SGCZ: variants seen among roughly 807,000 people sequenced by gnomAD.
SGCZ encodes the protein sarcoglycan zeta, also known as zeta-sarcoglycan.
SGCZ carries 40 observed loss-of-function variants against 41.3 expected under a neutral mutation model. The observed-to-expected ratio is 0.97, with a 90% CI of 0.75 to 1.26. SGCZ has a LOEUF of 1.26. SGCZ is among the 50% of genes most tolerant of loss of function. The pLI is 0.00. For synonymous variants in SGCZ, 206 were observed against 137.5 expected (o/e 1.50, Z -3.49); for missense variants, 552 against 369.8 (o/e 1.49, Z -4.04).
intron 1 of SGCZ, among the ~76,000 whole-genome samples, chr8:14,703,549 C>A (rs1461738856): frequency 6.6e-6 from 1 of 151,982 alleles, no homozygotes; most frequent in African/African-American, 2.4e-5. Context: ...TTCATGCCAG[C>A]TACACAAGGG....
chr8:14,129,345 C>CAAAAAAAAAA (rs534660638), intron 5 of SGCZ, among the ~76,000 whole-genome samples: 1 of 44,114 alleles, frequency 2.3e-5, no homozygotes, highest in Non-Finnish European at 4.9e-5. Context: ...GACTCCGTCT[C>CAAAAAAAAAA]AAAAAAAAAA....
intron 3 of SGCZ, among the ~76,000 whole-genome samples, chr8:14,250,093 C>G (rs749014107): frequency 6.6e-6 from 1 of 152,084 alleles, no homozygotes; most frequent in Non-Finnish European, 1.5e-5. Context: ...AACGAGCTTC[C>G]AGGTCATGCC....
rs570668352 is a variant in SGCZ at position 14,207,746 on chromosome 8, T to G, written c.424+29846A>C. On this transcript the variant is annotated intron_variant, in intron 4 of 7. Coordinates refer to ENST00000382080, the MANE Select transcript of SGCZ (RefSeq NM_139167.4). ...ACACCTCAAGAAGGAATATTTACAT[T>G]TCATTCTACCCTTCTACTACAACTA... Among the ~76,000 whole-genome samples, 8 of 152,304 alleles carry G rather than the reference T, an allele frequency of 5.3e-5. No individual in the cohort carries two copies. The South Asian group carries it at 1.7e-3, about 32-fold the overall frequency.
chr8:14,690,029 A>G (rs1808747391), intron 1 of SGCZ, among the ~76,000 whole-genome samples: 1 of 152,184 alleles, frequency 6.6e-6, no homozygotes, highest in South Asian at 2.1e-4. Flanking sequence ...TTACTTTCAA[A>G]GGAAGATTTT....
intron 1 of SGCZ, among the ~76,000 whole-genome samples, chr8:14,988,599 T>C (rs1263660630): frequency 1.3e-5 from 2 of 152,118 alleles, no homozygotes; most frequent in African/African-American, 4.8e-5. Flanking sequence ...GATGAAGCTA[T>C]GCCTTTTTCT....
In SGCZ at chr8:14,709,732, T is replaced by C. The variant is rs555718671; in HGVS notation, c.40-154806A>G. 5.3e-5 allele frequency among the ~76,000 whole-genome samples: 8 copies of C among 152,120 alleles called. No homozygotes were observed. The East Asian group carries it at 1.4e-3, about 26-fold the overall frequency. On this transcript the variant is annotated intron_variant, in intron 1 of 7. Coordinates refer to ENST00000382080, the MANE Select transcript of SGCZ (RefSeq NM_139167.4). The stretch of plus-strand genomic sequence containing the variant: ...AAACTAAATCTTCGTGAAGTCGAAA[T>C]GGCAATGCTAGAACCATCCATTCTG...
intron 3 of SGCZ, among the ~76,000 whole-genome samples, chr8:14,278,706 G>T (rs1800317533): frequency 6.6e-6 from 1 of 152,032 alleles, no homozygotes; most frequent in Admixed American, 6.6e-5. Context: ...GTATCTAACT[G>T]AATATGCTTC....
chr8:14,993,477 T>C (rs1310103127), intron 1 of SGCZ, among the ~76,000 whole-genome samples: 1 of 152,050 alleles, frequency 6.6e-6, no homozygotes, highest in Admixed American at 6.6e-5. Flanking sequence ...AATAAATAAA[T>C]ATATCATTTC....
At chr8:14,322,811 G>T (rs1801970732) in intron 3 of SGCZ, among the ~76,000 whole-genome samples, 1 of 152,010 alleles carries the variant, frequency 6.6e-6, no homozygotes, top group African/African-American at 2.4e-5. Flanking sequence ...ATTTAATAGT[G>T]CCAAACACAA....
intron 3 of SGCZ, among the ~76,000 whole-genome samples, chr8:14,249,202 T>C (rs1183344990): frequency 6.6e-6 from 1 of 152,180 alleles, no homozygotes; most frequent in Non-Finnish European, 1.5e-5. Context: ...GAATTCACTC[T>C]CTCTGCCTGA....
chr8:14,296,208 C>T (rs916260997), intron 3 of SGCZ, among the ~76,000 whole-genome samples: 1 of 152,146 alleles, frequency 6.6e-6, no homozygotes, highest in African/African-American at 2.4e-5. Flanking sequence ...AAAGCCAACA[C>T]TCTTGAAGCA....
chr8:14,938,766 C>T (rs1055440134), intron 1 of SGCZ, among the ~76,000 whole-genome samples: 10 of 152,002 alleles, frequency 6.6e-5, no homozygotes, highest in African/African-American at 2.2e-4. Flanking sequence ...AACCAAATAC[C>T]GTGTGTTCCC....
At chr8:14,555,429 C>T (rs2117193106) in intron 1 of SGCZ, among the ~76,000 whole-genome samples, 1 of 152,060 alleles carries the variant, frequency 6.6e-6, no homozygotes, top group African/African-American at 2.4e-5. Flanking sequence ...GTGGGTGGCA[C>T]CTCCCCACTC....
At chr8:15,083,945 A>C (rs1212787044) in intron 1 of SGCZ, among the ~76,000 whole-genome samples, 1 of 152,072 alleles carries the variant, frequency 6.6e-6, no homozygotes, top group Non-Finnish European at 1.5e-5. Context: ...TTGACTTTTA[A>C]GATTGCTGCG....
chr8:14,672,077 A>G lies in SGCZ; in HGVS notation c.40-117151T>C, dbSNP rs575847913. 2.1e-3 allele frequency among the ~76,000 whole-genome samples: 324 copies of G among 152,242 alleles called. 1 individual carries two copies. The highest frequency in any genetic ancestry group is 6.8e-3 in the Middle Eastern group (2 of 294). On this transcript the variant is annotated intron_variant, in intron 1 of 7. Transcript: ENST00000382080. Reference sequence around the variant, plus strand: ...GTTATTAGGACTCATTTCATTTAGGAAATAGAGGAAGAGTACTGAAAATAA... The same window carrying G: ...GTTATTAGGACTCATTTCATTTAGGGAATAGAGGAAGAGTACTGAAAATAA...
chr8:14,321,548 T>C (rs1402662756), intron 3 of SGCZ, among the ~76,000 whole-genome samples: 3 of 152,082 alleles, frequency 2.0e-5, no homozygotes, highest in African/African-American at 7.2e-5. Flanking sequence ...CACAAAGTAA[T>C]TTTAAATAAG....
At chr8:15,164,662 C>T (rs1799603447) in intron 1 of SGCZ, among the ~76,000 whole-genome samples, 1 of 127,680 alleles carries the variant, frequency 7.8e-6, no homozygotes, top group South Asian at 2.4e-4. Context: ...TTTAAGAAGA[C>T]ATTTTACTAG....
intron 2 of SGCZ, among the ~76,000 whole-genome samples, chr8:14,402,169 T>C (rs1799095864): frequency 6.6e-6 from 1 of 152,136 alleles, no homozygotes; most frequent in Admixed American, 6.5e-5. Context: ...ACTGAGTTCA[T>C]TGTAGATTCT....
chr8:14,433,408 A>G (rs1034606444), intron 2 of SGCZ, among the ~76,000 whole-genome samples: 4 of 152,192 alleles, frequency 2.6e-5, no homozygotes, highest in Non-Finnish European at 5.9e-5. Context: ...GTTTATTGCA[A>G]TCATTTGGTA....
Sources: gnomAD v4.1 joint callset for allele counts (sites outside exome capture counted in the v4.1 genomes callset) on GRCh38, gnomAD v4.1.1 for gene constraint, MANE v1.5 for transcripts, NCBI Gene and HGNC (gene_info 2026-07-23, HGNC 2026-07-21) for gene names.